TRPC4: variants seen among roughly 807,000 people sequenced by gnomAD.
The protein encoded by TRPC4 is short transient receptor potential channel 4.
TRPC4 carries 49 observed loss-of-function variants against 99.4 expected under a neutral mutation model. The ratio of observed to expected loss-of-function variants is 0.49; its 90% CI spans 0.39 to 0.63. The LOEUF (loss-of-function observed/expected upper bound fraction) is 0.63, where lower values mean the gene tolerates loss of function less well. Among genes scored for constraint, TRPC4 ranks in the 20% least tolerant of loss-of-function variants. TRPC4 has a pLI of 0.00. For synonymous variants in TRPC4, 454 were observed against 425.9 expected, an observed-to-expected ratio of 1.07 and a Z score of -0.81; for missense variants, 898 against 1,152.9, an observed-to-expected ratio of 0.78 and a Z score of 3.20.
At chr13:37,815,320 G>A (rs1418820627) in intron 1 of TRPC4, among the ~76,000 whole-genome samples, 1 of 151,716 alleles carries the variant, frequency 6.6e-6, no homozygotes, top group Non-Finnish European at 1.5e-5. Flanking sequence ...AAGGCAAAGA[G>A]GGGTAAGTTA....
intron 1 of TRPC4, among the ~76,000 whole-genome samples, chr13:37,828,362 G>T (rs771960876): frequency 5.9e-5 from 9 of 151,390 alleles, no homozygotes; most frequent in African/African-American, 2.2e-4. Context: ...GTGGAGAAAA[G>T]GGAATGCTTA....
At chr13:37,835,239 T>G (rs2139610713) in intron 1 of TRPC4, among the ~76,000 whole-genome samples, 1 of 152,286 alleles carries the variant, frequency 6.6e-6, no homozygotes, top group South Asian at 2.1e-4. Context: ...TCTTAATAAC[T>G]TTTCATTTTA....
intron 1 of TRPC4, among the ~76,000 whole-genome samples, chr13:37,850,253 C>T (rs1313552291): frequency 3.9e-5 from 6 of 152,132 alleles, no homozygotes; most frequent in African/African-American, 1.4e-4. Flanking sequence ...AAAATGTCAC[C>T]TCAATGAAGC....
At chr13:37,661,759 C>T (rs187731012) in intron 6 of TRPC4, among the ~76,000 whole-genome samples, 2 of 148,056 alleles carry the variant, frequency 1.4e-5, no homozygotes, top group Admixed American at 6.7e-5. Flanking sequence ...ATCTCTAATC[C>T]GTTTCCCTGG....
intron 5 of TRPC4, among the ~76,000 whole-genome samples, chr13:37,665,829 C>T (rs527400413): frequency 7.7e-6 from 1 of 129,700 alleles, no homozygotes; most frequent in Non-Finnish European, 1.6e-5. Context: ...GGTAAATTAT[C>T]TCAGCTGAGA....
intron 3 of TRPC4, among the ~76,000 whole-genome samples, chr13:37,698,677 T>C: frequency 6.6e-6 from 1 of 152,106 alleles, no homozygotes; most frequent in Non-Finnish European, 1.5e-5. Flanking sequence ...ATTACGGGAA[T>C]AAACACAAAA....
chr13:37,798,890 T>C (rs1474189078), intron 1 of TRPC4, among the ~76,000 whole-genome samples: 1 of 151,906 alleles, frequency 6.6e-6, no homozygotes, highest in African/African-American at 2.4e-5. Context: ...TATTTTGTAA[T>C]GAGTGATTAT....
At chr13:37,683,756 A>G (rs1953345263) in intron 4 of TRPC4, among the ~76,000 whole-genome samples, 1 of 152,194 alleles carries the variant, frequency 6.6e-6, no homozygotes, top group South Asian at 2.1e-4. Flanking sequence ...TGAAGAGCCT[A>G]TATCCCACCT....
At chr13:37,707,653 T>C (rs1333352) in intron 3 of TRPC4, among the ~76,000 whole-genome samples, 131,927 of 152,122 alleles carry the variant, frequency 0.87, 57,497 homozygotes, top group Middle Eastern at 0.95. Flanking sequence ...CCATAACTAC[T>C]GCAATATGAT....
intron 3 of TRPC4, among the ~76,000 whole-genome samples, chr13:37,735,061 G>A (rs965819139): frequency 6.6e-6 from 1 of 152,044 alleles, no homozygotes; most frequent in Non-Finnish European, 1.5e-5. Context: ...TCACAATTCA[G>A]CTTCAGCATC....
intron 1 of TRPC4, among the ~76,000 whole-genome samples, chr13:37,824,389 G>T (rs956685308): frequency 6.6e-6 from 1 of 150,976 alleles, no homozygotes; most frequent in African/African-American, 2.4e-5. Context: ...TGCCCATTCA[G>T]TATGATATTG....
intron 1 of TRPC4, among the ~76,000 whole-genome samples, chr13:37,849,002 C>T (rs1958987071): frequency 6.6e-6 from 1 of 152,054 alleles, no homozygotes; most frequent in Non-Finnish European, 1.5e-5. Flanking sequence ...GTTAAGCAGG[C>T]TTGATTATCT....
intron 6 of TRPC4, among the ~76,000 whole-genome samples, chr13:37,661,299 T>C (rs1228869533): frequency 6.6e-6 from 1 of 152,222 alleles, no homozygotes; most frequent in Non-Finnish European, 1.5e-5. Context: ...TTATAATTAG[T>C]TTGTAATATG....
At chr13:37,805,120 G>A (rs778708537) in intron 1 of TRPC4, among the ~76,000 whole-genome samples, 12 of 151,986 alleles carry the variant, frequency 7.9e-5, no homozygotes, top group Admixed American at 2.0e-4. Flanking sequence ...CTCTTTGTGT[G>A]AAAGAACTCA....
intron 3 of TRPC4, among the ~76,000 whole-genome samples, chr13:37,724,540 G>T (rs572009922): frequency 6.6e-6 from 1 of 152,046 alleles, no homozygotes; most frequent in Admixed American, 6.6e-5. Flanking sequence ...TAATTATGAA[G>T]TTCTAGGGAA....
intron 2 of TRPC4, among the ~76,000 whole-genome samples, chr13:37,781,095 A>T (rs1295497487): frequency 2.0e-5 from 3 of 152,026 alleles, no homozygotes; most frequent in Non-Finnish European, 4.4e-5. Context: ...TCCAACAAAC[A>T]CTCTCATAAT....
chr13:37,672,141 T>C (rs1952868527), intron 5 of TRPC4, among the ~76,000 whole-genome samples: 1 of 152,184 alleles, frequency 6.6e-6, no homozygotes, highest in African/African-American at 2.4e-5. Context: ...ATCCCACATC[T>C]AAAAGTCTTG....
At chr13:37,706,617 A>ACCCCTCCC (rs1954286185) in intron 3 of TRPC4, among the ~76,000 whole-genome samples, 1 of 149,772 alleles carries the variant, frequency 6.7e-6, no homozygotes, top group Non-Finnish European at 1.5e-5. Context: ...TCCTAATGCT[A>ACCCCTCCC]CCCCTCCCCC....
intron 3 of TRPC4, among the ~76,000 whole-genome samples, chr13:37,719,213 T>C (rs1484561889): frequency 2.0e-5 from 3 of 152,096 alleles, no homozygotes; most frequent in African/African-American, 7.2e-5. Flanking sequence ...TGGAGATAAG[T>C]GGTACATGCC....
Sources: allele counts gnomAD v4.1 joint callset (sites outside exome capture counted in the v4.1 genomes callset), GRCh38; gene constraint gnomAD v4.1.1; transcripts MANE v1.5; gene names NCBI Gene and HGNC (gene_info 2026-07-23, HGNC 2026-07-21).